The following ELMO1 variants were observed in gnomAD, a reference collection of about 807,000 sequenced individuals.
The protein encoded by ELMO1 is engulfment and cell motility 1, also known as engulfment and cell motility protein 1.
Under a neutral mutation model 98.9 loss-of-function variants are expected in ELMO1, and 26 were observed. The ratio of observed to expected loss-of-function variants is 0.26; its 90% CI spans 0.19 to 0.36. The LOEUF (loss-of-function observed/expected upper bound fraction) is 0.36. Among genes scored for constraint, ELMO1 ranks in the 10% least tolerant of loss-of-function variants. The probability of loss-of-function intolerance (pLI) is 1.00; values close to 1 mark genes in which losing one functional copy is unlikely to be tolerated. For missense variants in ELMO1, 627 were observed against 935.2 expected (o/e 0.67, Z 4.30); for synonymous variants, 346 against 346.0 (o/e 1.00, Z 0.00).
intron 13 of ELMO1, among the ~76,000 whole-genome samples, chr7:37,149,209 GCA>G (rs1186690138): frequency 6.6e-6 from 1 of 152,212 alleles, no homozygotes; most frequent in Non-Finnish European, 1.5e-5. Flanking sequence ...TAGGGCTGCA[GCA>G]CAGTTAGTAA....
intron 15 of ELMO1, among the ~76,000 whole-genome samples, chr7:37,038,974 A>G (rs1795344498): frequency 6.6e-6 from 1 of 152,180 alleles, no homozygotes; most frequent in Admixed American, 6.5e-5. Flanking sequence ...CCAATCTCCA[A>G]ATACCTTCAC....
intron 1 of ELMO1, among the ~76,000 whole-genome samples, chr7:37,397,771 C>A (rs1583685249): frequency 6.6e-6 from 1 of 152,168 alleles, no homozygotes; most frequent in Non-Finnish European, 1.5e-5. Context: ...CAACGATCGA[C>A]TGGATAAAGA....
At chr7:37,002,348 C>T (rs2129163175) in intron 16 of ELMO1, among the ~76,000 whole-genome samples, 1 of 152,336 alleles carries the variant, frequency 6.6e-6, no homozygotes. Flanking sequence ...CTTCACCCAT[C>T]ATGAGGTCAT....
chr7:37,013,336 C>G lies in ELMO1; in HGVS notation c.1400G>C (p.Trp467Ser). 1 of 1,614,068 alleles carries G rather than the reference C, an allele frequency of 6.2e-7. No homozygotes were observed. The highest frequency in any genetic ancestry group is 8.5e-7 in the Non-Finnish European group (1 of 1,179,990). Residue 467 changes from tryptophan to serine, a missense_variant, in exon 16 of 22, where the codon TGG becomes TCG. Physicochemically the swap from Trp to Ser is radical, Grantham distance 177 (BLOSUM62 -3). This residue lies in a region of ELMO1 where 492 missense variants were observed against 715.6 expected (regional missense o/e 0.69). Coordinates refer to ENST00000310758, the MANE Select transcript of ELMO1 (RefSeq NM_014800.11). ...TTCAGAAGTTGCCCTCATTTCCTTC[C>G]ATGTCTTGTTCAGGAGCTGGATACA... Reference protein sequence around the residue: ...CICIQLLNKTWKEMRATSEDF... With the variant: ...CICIQLLNKTSKEMRATSEDF...
intron 15 of ELMO1, among the ~76,000 whole-genome samples, chr7:37,056,626 C>G (rs1161210665): frequency 6.6e-6 from 1 of 152,226 alleles, no homozygotes; most frequent in African/African-American, 2.4e-5. Flanking sequence ...GGCTGAAAGG[C>G]ACCAAGGGCA....
chr7:36,866,437 T>C (rs1314571401), intron 20 of ELMO1, among the ~76,000 whole-genome samples: 1 of 152,188 alleles, frequency 6.6e-6, no homozygotes, highest in Non-Finnish European at 1.5e-5. Context: ...TTTAGTCCTG[T>C]GCTATTTCAG....
intron 7 of ELMO1, 42 bp from the exon 8 acceptor site, chr7:37,233,236 C>G (rs1170284501): frequency 7.1e-6 from 11 of 1,556,068 alleles, no homozygotes; most frequent in Non-Finnish European, 9.6e-6. Context: ...AGCCCCAAAG[C>G]TGAGCAAAGA....
chr7:36,877,715 T>C (rs1804087570), intron 19 of ELMO1, among the ~76,000 whole-genome samples: 1 of 152,248 alleles, frequency 6.6e-6, no homozygotes, highest in Non-Finnish European at 1.5e-5. Context: ...GTATTGTTTT[T>C]GCTCCTTGAC....
chr7:37,123,702 A>C (rs929571375), intron 14 of ELMO1, among the ~76,000 whole-genome samples: 4 of 152,226 alleles, frequency 2.6e-5, no homozygotes, highest in Non-Finnish European at 4.4e-5. Context: ...GAATTCTACC[A>C]GAGGTACAAA....
chr7:37,025,841 A>G (rs1284166367), intron 15 of ELMO1, among the ~76,000 whole-genome samples: 2 of 150,854 alleles, frequency 1.3e-5, no homozygotes, highest in African/African-American at 4.9e-5. Context: ...TATATTCTAT[A>G]TATACATGAG....
intron 16 of ELMO1, among the ~76,000 whole-genome samples, chr7:36,908,262 A>G (rs1194061604): frequency 6.6e-6 from 1 of 152,216 alleles, no homozygotes; most frequent in African/African-American, 2.4e-5. Context: ...GAAATAGTGA[A>G]CAAATTCTAG....
intron 20 of ELMO1, among the ~76,000 whole-genome samples, chr7:36,864,618 A>G (rs1802886928): frequency 6.6e-6 from 1 of 152,190 alleles, no homozygotes; most frequent in South Asian, 2.1e-4. Flanking sequence ...AGCACCTCTC[A>G]GGCTAATACT....
At chr7:37,243,631 G>A (rs866569055) in intron 7 of ELMO1, among the ~76,000 whole-genome samples, 12 of 152,158 alleles carry the variant, frequency 7.9e-5, no homozygotes, top group African/African-American at 2.9e-4. Context: ...TGAAGGTGAT[G>A]AGGATTTTCT....
intron 14 of ELMO1, among the ~76,000 whole-genome samples, chr7:37,113,571 A>G (rs1785381202): frequency 6.6e-6 from 1 of 152,166 alleles, no homozygotes; most frequent in Non-Finnish European, 1.5e-5. Flanking sequence ...TAGGAGAGAA[A>G]GCAAAAAGTA....
chr7:36,977,837 G>A (rs1790690398), intron 16 of ELMO1, among the ~76,000 whole-genome samples: 1 of 152,228 alleles, frequency 6.6e-6, no homozygotes, highest in Non-Finnish European at 1.5e-5. Flanking sequence ...ATTTTCGTCA[G>A]GTAAACAGGC....
intron 13 of ELMO1, among the ~76,000 whole-genome samples, chr7:37,196,803 C>T (rs78090619): frequency 0.036 from 5,419 of 152,278 alleles, 332 homozygotes; most frequent in African/African-American, 0.12. Flanking sequence ...TCTTTTTATT[C>T]GTCTCTAAAA....
chr7:37,277,643 C>T (rs930219123), intron 4 of ELMO1, among the ~76,000 whole-genome samples: 2 of 152,134 alleles, frequency 1.3e-5, no homozygotes, highest in Non-Finnish European at 2.9e-5. Context: ...GCATATCTGT[C>T]CACAGATATT....
At chr7:37,373,850 C>T (rs1322710904) in intron 1 of ELMO1, among the ~76,000 whole-genome samples, 1 of 152,150 alleles carries the variant, frequency 6.6e-6, no homozygotes, top group Non-Finnish European at 1.5e-5. Flanking sequence ...ACTCTGAGCT[C>T]AACAAAGGCT....
intron 2 of ELMO1, among the ~76,000 whole-genome samples, chr7:37,322,358 G>A (rs1799564476): frequency 6.6e-6 from 1 of 151,988 alleles, no homozygotes; most frequent in African/African-American, 2.4e-5. Flanking sequence ...GCTCACGCCT[G>A]TAATCCCAGC....
Sources: gnomAD v4.1 joint callset for allele counts (sites outside exome capture counted in the v4.1 genomes callset) on GRCh38, gnomAD v4.1.1 for gene constraint, gnomAD v4.1.1 regional missense constraint, MANE v1.5 for transcripts, NCBI Gene and HGNC (gene_info 2026-07-23, HGNC 2026-07-21) for gene names.